NT5DC1: variants seen among roughly 807,000 people sequenced by gnomAD.
NT5DC1 encodes the protein 5'-nucleotidase domain-containing protein 1.
In NT5DC1, 42 loss-of-function variants were observed where a neutral mutation model predicts 59.4. The observed-to-expected ratio is 0.71, with a 90% CI of 0.55 to 0.92. The LOEUF is 0.92. Ranked by LOEUF, NT5DC1 falls within the 40% of genes least tolerant of loss-of-function variation. NT5DC1 has a pLI of 0.00. For missense variants in NT5DC1, 501 were observed against 537.1 expected, an observed-to-expected ratio of 0.93 and a Z score of 0.66; for synonymous variants, 172 against 188.1, an observed-to-expected ratio of 0.91 and a Z score of 0.70.
At chr6:116,189,557 A>G (rs561390397) in intron 6 of NT5DC1, among the ~76,000 whole-genome samples, 67 of 152,102 alleles carry the variant, frequency 4.4e-4, no homozygotes, top group African/African-American at 1.6e-3. Context: ...ATTGGATGAC[A>G]TTGAGTTGTG....
chr6:116,133,402 T>A (rs1015691963), intron 6 of NT5DC1, among the ~76,000 whole-genome samples: 2 of 152,152 alleles, frequency 1.3e-5, no homozygotes, highest in Non-Finnish European at 2.9e-5. Flanking sequence ...TATTTAGATC[T>A]CTTTGTTCCT....
Position 116,193,442 on chromosome 6 carries a change from T to TG in NT5DC1, c.530-27611dup, listed in dbSNP as rs563776296. On this transcript the variant is annotated intron_variant, in intron 6 of 11. Coordinates refer to ENST00000319550, the MANE Select transcript of NT5DC1 (RefSeq NM_152729.3). ...AAAACTTGATTTCAAATCTGGAACT[T>TG]GCAACTTGCTTGCTGTGTGATCTTG... Among the ~76,000 whole-genome samples, 410 of 152,226 alleles carry TG rather than the reference T, an allele frequency of 2.7e-3. 1 individual carries two copies. The highest frequency in any genetic ancestry group is 3.7e-3 in the Non-Finnish European group (251 of 67,974).
At chr6:116,106,777 A>C (rs186083224) in intron 2 of NT5DC1, among the ~76,000 whole-genome samples, 263 of 152,306 alleles carry the variant, frequency 1.7e-3, no homozygotes, top group Non-Finnish European at 3.0e-3. Context: ...CGACATTCCT[A>C]AGACTCTTAC....
chr6:116,149,742 A>T (rs1779988803), intron 6 of NT5DC1, among the ~76,000 whole-genome samples: 1 of 152,202 alleles, frequency 6.6e-6, no homozygotes, highest in Non-Finnish European at 1.5e-5. Flanking sequence ...TGAATCTGGG[A>T]TCTCCACATA....
intron 6 of NT5DC1, among the ~76,000 whole-genome samples, chr6:116,182,349 G>A (rs1464340366): frequency 1.3e-5 from 2 of 152,028 alleles, no homozygotes; most frequent in African/African-American, 4.8e-5. Context: ...CTATAAATGT[G>A]TGTGTAAGTA....
chr6:116,216,099 T>C (rs1781683044), intron 6 of NT5DC1, among the ~76,000 whole-genome samples: 1 of 152,108 alleles, frequency 6.6e-6, no homozygotes, highest in African/African-American at 2.4e-5. Flanking sequence ...CCATGCTTAA[T>C]TGGTATAGTG....
At chr6:116,122,338 GA>G (rs1190181595) in intron 6 of NT5DC1, among the ~76,000 whole-genome samples, 1 of 152,106 alleles carries the variant, frequency 6.6e-6, no homozygotes, top group African/African-American at 2.4e-5. Context: ...AAATGTTTAA[GA>G]ACTATAAAAA....
intron 6 of NT5DC1, among the ~76,000 whole-genome samples, chr6:116,143,505 C>T (rs772055644): frequency 1.1e-4 from 16 of 152,154 alleles, no homozygotes; most frequent in Non-Finnish European, 1.8e-4. Context: ...AGCCACTGTG[C>T]CCGGCCTTTC....
At chr6:116,178,088 T>TGTGTGTGTGTGC (rs1491426656) in intron 6 of NT5DC1, among the ~76,000 whole-genome samples, 22 of 99,662 alleles carry the variant, frequency 2.2e-4, no homozygotes, top group African/African-American at 8.4e-4. Flanking sequence ...TGTGTGTGTG[T>TGTGTGTGTGTGC]GCGCGCGCGC....
At chr6:116,155,922 T>A (rs889050113) in intron 6 of NT5DC1, among the ~76,000 whole-genome samples, 1 of 152,108 alleles carries the variant, frequency 6.6e-6, no homozygotes, top group Non-Finnish European at 1.5e-5. Context: ...TGGGAGAATT[T>A]ACAAGAGACA....
At chr6:116,125,941 T>A (rs1213195617) in intron 6 of NT5DC1, 1 of 158,408 alleles carries the variant, frequency 6.3e-6, no homozygotes, top group Non-Finnish European at 1.4e-5. Context: ...AGAAACCCAT[T>A]TTTTAAATCA....
intron 6 of NT5DC1, among the ~76,000 whole-genome samples, chr6:116,149,518 C>G (rs952063170): frequency 2.6e-5 from 4 of 152,146 alleles, no homozygotes; most frequent in African/African-American, 9.7e-5. Context: ...TGAGACAGAG[C>G]TTTCAAAACA....
chr6:116,205,746 G>A (rs1364393392), intron 6 of NT5DC1, among the ~76,000 whole-genome samples: 1 of 151,944 alleles, frequency 6.6e-6, no homozygotes, highest in African/African-American at 2.4e-5. Flanking sequence ...TTTACAACAA[G>A]GCTGTAATAT....
rs149028474 is a variant in NT5DC1 at position 116,130,599 on chromosome 6, A to C, written c.529+12654A>C. 1.1e-3 allele frequency among the ~76,000 whole-genome samples: 163 copies of C among 152,170 alleles called. 1 individual carries two copies. Among genetic ancestry groups the C allele is most frequent in the Middle Eastern group, 6.8e-3 (2 of 294 alleles). ...GGATGTCTGGGTCCTAGGGATGCAC[A>C]TTGCTTCTGGGTTGGTCATTCTATC... is the stretch of plus-strand genomic sequence containing the variant. On this transcript the variant is annotated intron_variant, in intron 6 of 11. Transcript: ENST00000319550.
At position 116,130,698 on chromosome 6, in the gene NT5DC1, A is replaced by G. The variant is rs540978986; in HGVS notation, c.529+12753A>G. Among the ~76,000 whole-genome samples, 122 of 152,206 alleles carry G rather than the reference A, an allele frequency of 8.0e-4. 1 individual carries two copies. The highest frequency in any genetic ancestry group is 2.8e-3 in the African/African-American group (118 of 41,526). On this transcript the variant is annotated intron_variant, in intron 6 of 11. Coordinates refer to ENST00000319550, the MANE Select transcript of NT5DC1 (RefSeq NM_152729.3). ...ATATATGATAACATTTTACTGATGT[A>G]GCCAATGCACATTCAGGACCACAGG...
intron 6 of NT5DC1, among the ~76,000 whole-genome samples, chr6:116,142,270 A>T (rs1779786446): frequency 6.6e-6 from 1 of 151,934 alleles, no homozygotes; most frequent in Non-Finnish European, 1.5e-5. Context: ...CTATTTGATT[A>T]AATTCTATTT....
chr6:116,180,558 G>A (rs1780853356), intron 6 of NT5DC1, among the ~76,000 whole-genome samples: 2 of 152,026 alleles, frequency 1.3e-5, no homozygotes, highest in African/African-American at 4.8e-5. Flanking sequence ...CACAAAGAAA[G>A]AAACATTCAG....
intron 4 of NT5DC1, among the ~76,000 whole-genome samples, chr6:116,111,240 G>T (rs564694011): frequency 6.6e-6 from 1 of 152,144 alleles, no homozygotes; most frequent in Non-Finnish European, 1.5e-5. Context: ...ATCCTTAGTT[G>T]TCCTGTATTT....
At chr6:116,120,770 C>T (rs1197969288) in intron 6 of NT5DC1, 2 of 1,612,852 alleles carry the variant, frequency 1.2e-6, no homozygotes, top group South Asian at 1.1e-5. Flanking sequence ...GCCTCTAGTA[C>T]CTGGTATTCC....
Sources: allele counts gnomAD v4.1 joint callset (sites outside exome capture counted in the v4.1 genomes callset), GRCh38; gene constraint gnomAD v4.1.1; transcripts MANE v1.5; gene names NCBI Gene and HGNC (gene_info 2026-07-23, HGNC 2026-07-21).